Variants in PPP2R2A observed in about 807,000 individuals in gnomAD.
PPP2R2A encodes serine/threonine-protein phosphatase 2A 55 kDa regulatory subunit B alpha isoform.
A neutral mutation model predicts 53.2 loss-of-function variants in PPP2R2A; 9 were observed. That is an observed-to-expected ratio of 0.17 (90% CI 0.10 to 0.30). The LOEUF is 0.30. PPP2R2A is among the 10% of genes least tolerant of loss of function. The pLI is 1.00. For missense variants in PPP2R2A, 235 were observed against 534.6 expected (o/e 0.44, Z 5.53); for synonymous variants, 169 against 174.2 (o/e 0.97, Z 0.23).
At chr8:26,366,274 T>C in intron 8 of PPP2R2A, 41 bp from the exon 9 acceptor site, 1 of 1,498,190 alleles carries the variant, frequency 6.7e-7, no homozygotes, top group Non-Finnish European at 9.2e-7. Flanking sequence ...GTTAAATCAT[T>C]TTCCTAATTT....
intron 2 of PPP2R2A, among the ~76,000 whole-genome samples, chr8:26,325,153 A>G (rs1241085366): frequency 6.6e-6 from 1 of 151,574 alleles, no homozygotes; most frequent in African/African-American, 2.4e-5. Context: ...GCAGAATGAT[A>G]AATGGTTTTG....
chr8:26,293,589 C>A, intron 1 of PPP2R2A, 77 bp from the exon 2 acceptor site: 1 of 1,389,606 alleles, frequency 7.2e-7, no homozygotes, highest in African/African-American at 1.4e-5. Context: ...TCATGCCAAC[C>A]ATGGATACCA....
intron 1 of PPP2R2A, chr8:26,292,221 A>AT: frequency 9.5e-7 from 1 of 1,050,448 alleles, no homozygotes; most frequent in Non-Finnish European, 1.1e-6. Flanking sequence ...TTTAATTTCT[A>AT]TTTTTCCCCC....
intron 2 of PPP2R2A, among the ~76,000 whole-genome samples, chr8:26,332,837 G>A (rs1803455810): frequency 6.6e-6 from 1 of 152,152 alleles, no homozygotes; most frequent in Admixed American, 6.5e-5. Flanking sequence ...GCAATAAACT[G>A]AATACTTACA....
Position 26,338,983 on chromosome 8 carries a change from A to G in PPP2R2A, c.176A>G (p.Gln59Arg). The stretch of plus-strand genomic sequence containing the variant: ...AGAGTTGTCATCTTTCAACAGGAGC[A>G]GGAGGTAAGTGTTTAAAGTTTATTG... Reference protein sequence around the residue: ...GGRVVIFQQEQENKIQSHSRG... With the variant: ...GGRVVIFQQERENKIQSHSRG... Residue 59 changes from glutamine (Q) to arginine (R), a missense_variant, in exon 3 of 10, where the codon CAG (glutamine) becomes CGG (arginine). This residue lies in a region of PPP2R2A where 51 missense variants were observed against 80.6 expected (regional missense o/e 0.63). Coordinates refer to ENST00000380737, the MANE Select transcript of PPP2R2A (RefSeq NM_002717.4). The surrounding 1 kb of genome is among the most constrained non-coding windows in gnomAD (Gnocchi z 4.5). 1 of 1,596,052 alleles carries G rather than the reference A, an allele frequency of 6.3e-7. No homozygotes were observed. The highest frequency in any genetic ancestry group is 1.3e-5 in the African/African-American group (1 of 74,548).
chr8:26,362,965 C>T lies in PPP2R2A; in HGVS notation c.802+117C>T, dbSNP rs143042500. On this transcript the variant is annotated intron_variant, in intron 7 of 9. Coordinates refer to ENST00000380737, the MANE Select transcript of PPP2R2A (RefSeq NM_002717.4). The surrounding 1 kb of genome is among the most constrained non-coding windows in gnomAD (Gnocchi z 4.4). The stretch of plus-strand genomic sequence containing the variant: ...AAGTCTTAAACCCGTGTGTCCAGAG[C>T]CACTTGTACCCTTGGTAATCTGCCT... 4.3e-6 allele frequency: 4 copies of T among 922,762 alleles called. No individual in the cohort carries two copies. In the South Asian group the frequency reaches 6.6e-5, roughly 15 times the overall value. The allele number at this position is 922,762 out of a possible 1,614,324, so 57.2% of individuals were successfully genotyped here.
intron 2 of PPP2R2A, among the ~76,000 whole-genome samples, chr8:26,315,917 T>A (rs905712409): frequency 2.6e-5 from 4 of 152,242 alleles, no homozygotes; most frequent in African/African-American, 9.6e-5. Context: ...CTAGAACACT[T>A]GGTAATCACT....
intron 2 of PPP2R2A, among the ~76,000 whole-genome samples, chr8:26,326,906 A>G (rs1200690672): frequency 3.3e-5 from 5 of 152,234 alleles, no homozygotes; most frequent in Admixed American, 6.5e-5. Context: ...AACCACACCT[A>G]TAGACTAAAT....
At chr8:26,329,683 T>C (rs1474378746) in intron 2 of PPP2R2A, among the ~76,000 whole-genome samples, 2 of 152,198 alleles carry the variant, frequency 1.3e-5, no homozygotes, top group African/African-American at 4.8e-5. Context: ...CTGCCAAATG[T>C]TCGTGATGCT....
At chr8:26,356,817 T>C (rs978875427) in intron 4 of PPP2R2A, among the ~76,000 whole-genome samples, 1 of 152,242 alleles carries the variant, frequency 6.6e-6, no homozygotes, top group Admixed American at 6.5e-5. Context: ...AAGCCCTGCA[T>C]GCTCATCATC....
chr8:26,297,779 T>C (rs1374196155), intron 2 of PPP2R2A, among the ~76,000 whole-genome samples: 2 of 152,196 alleles, frequency 1.3e-5, no homozygotes, highest in Non-Finnish European at 2.9e-5. Flanking sequence ...TTAGATATTA[T>C]TACTTGAACC....
intron 2 of PPP2R2A, among the ~76,000 whole-genome samples, chr8:26,330,842 G>C (rs2117298829): frequency 6.6e-6 from 1 of 152,244 alleles, no homozygotes; most frequent in Middle Eastern, 3.4e-3. Context: ...TTTTGTTCTA[G>C]CACATAGTTG....
chr8:26,312,722 A>G (rs760711814), intron 2 of PPP2R2A, among the ~76,000 whole-genome samples: 111 of 152,176 alleles, frequency 7.3e-4, no homozygotes, highest in African/African-American at 2.6e-3. Context: ...ATACTTAGCA[A>G]AGGTGTGTTT....
At chr8:26,336,257 A>G (rs1295641765) in intron 2 of PPP2R2A, among the ~76,000 whole-genome samples, 1 of 151,962 alleles carries the variant, frequency 6.6e-6, no homozygotes, top group Non-Finnish European at 1.5e-5. Context: ...CACCCTGTCT[A>G]TAAAAAAATA....
chr8:26,352,954 G>A (rs1010686826), intron 3 of PPP2R2A, among the ~76,000 whole-genome samples: 3 of 152,086 alleles, frequency 2.0e-5, no homozygotes, highest in African/African-American at 7.2e-5. Context: ...AGTGTACATA[G>A]TACTATATAT....
intron 2 of PPP2R2A, among the ~76,000 whole-genome samples, chr8:26,334,176 T>C (rs1354310481): frequency 6.6e-6 from 1 of 152,188 alleles, no homozygotes; most frequent in East Asian, 1.9e-4. Flanking sequence ...AATGTTCTTT[T>C]GTAAGATTAA....
Position 26,351,029 on chromosome 8 carries a change from T to A in PPP2R2A, c.181-3439T>A, listed in dbSNP as rs554432699. Among the ~76,000 whole-genome samples, 11 of 152,298 alleles carry A rather than the reference T, an allele frequency of 7.2e-5. No individual in the cohort carries two copies. The South Asian group carries it at 1.2e-3, about 17-fold the overall frequency. The stretch of plus-strand genomic sequence containing the variant: ...AACAAAACAAGAAAACCCACACATT[T>A]GTTAGAAGTATTTTTCATTCTGTGA... On this transcript the variant is annotated intron_variant, in intron 3 of 9. Transcript: ENST00000380737.
chr8:26,305,000 T>G (rs952747950), intron 2 of PPP2R2A, among the ~76,000 whole-genome samples: 1 of 152,192 alleles, frequency 6.6e-6, no homozygotes, highest in Admixed American at 6.5e-5. Flanking sequence ...TTAACTCTAT[T>G]CATATTGTGA....
In PPP2R2A at chr8:26,360,362, G is replaced by T; in HGVS notation, c.459+81G>T. On this transcript the variant is annotated intron_variant, in intron 5 of 9. Coordinates refer to ENST00000380737, the MANE Select transcript of PPP2R2A (RefSeq NM_002717.4). This position sits in a 1 kb window ranked among gnomAD's most constrained non-coding sequence, Gnocchi z 4.5. ...CCAAATCCTGAGCAGAGCTTGAATA[G>T]GAATAATTACAGTCTATCTCCCCTT... 3 of 760,942 alleles carry T rather than the reference G, an allele frequency of 3.9e-6. No individual in the cohort carries two copies. The South Asian group carries it at 5.9e-5, about 15-fold the overall frequency. 47.1% of individuals were successfully genotyped at this position (760,942 alleles called of 1,614,324 possible).
Sources: allele counts gnomAD v4.1 joint callset (sites outside exome capture counted in the v4.1 genomes callset), GRCh38; gene constraint gnomAD v4.1.1; regional missense constraint gnomAD v4.1.1; non-coding constraint Gnocchi (gnomAD v3.1); transcripts MANE v1.5; gene names NCBI Gene and HGNC (gene_info 2026-07-23, HGNC 2026-07-21).